The following SLC4A4 variants were observed in gnomAD, a reference collection of about 807,000 sequenced individuals.
SLC4A4 encodes the protein solute carrier family 4 member 4.
A neutral mutation model predicts 111.5 loss-of-function variants in SLC4A4; 27 were observed. That is an observed-to-expected ratio of 0.24 (90% CI 0.18 to 0.33). SLC4A4 has a LOEUF of 0.33. Among genes scored for constraint, SLC4A4 ranks in the 10% least tolerant of loss-of-function variants. The probability of loss-of-function intolerance (pLI) is 1.00; values close to 1 mark genes in which losing one functional copy is unlikely to be tolerated. For synonymous variants in SLC4A4, 443 were observed against 463.4 expected, an observed-to-expected ratio of 0.96 and a Z score of 0.57; for missense variants, 909 against 1,315.5, an observed-to-expected ratio of 0.69 and a Z score of 4.78.
Position 71,451,304 on chromosome 4 carries a change from A to G in SLC4A4, c.1322+3A>G. The G allele has an allele frequency of 1.3e-6, 2 of 1,577,472 alleles. No individual in the cohort carries two copies. Among genetic ancestry groups the G allele is most frequent in the Non-Finnish European group, 1.7e-6 (2 of 1,146,644 alleles). On this transcript the variant is annotated splice_donor_region_variant and intron_variant, in intron 11 of 25. Transcript: ENST00000264485. The stretch of plus-strand genomic sequence containing the variant: ...GAAGAATTGCAGCGAACTGGACGGT[A>G]ACTGACAGTTTCCTTTGCCATTCAT...
chr4:71,112,520 T>C (rs1743115702), intron 2 of SLC4A4, among the ~76,000 whole-genome samples: 1 of 152,126 alleles, frequency 6.6e-6, no homozygotes, highest in African/African-American at 2.4e-5. Context: ...GGAAACAAAA[T>C]AAACACAGAA....
chr4:71,252,336 G>T (rs1178584282), intron 2 of SLC4A4, among the ~76,000 whole-genome samples: 1 of 152,146 alleles, frequency 6.6e-6, no homozygotes, highest in Non-Finnish European at 1.5e-5. Flanking sequence ...CCAAAGCAAG[G>T]CTATCTTGCT....
chr4:71,122,745 C>T (rs1488514493), intron 2 of SLC4A4, among the ~76,000 whole-genome samples: 1 of 152,148 alleles, frequency 6.6e-6, no homozygotes, highest in Non-Finnish European at 1.5e-5. Context: ...TCTCCCAGAC[C>T]ATCCCCCCTC....
intron 14 of SLC4A4, among the ~76,000 whole-genome samples, chr4:71,484,006 A>G (rs1222059331): frequency 6.6e-6 from 1 of 151,608 alleles, no homozygotes; most frequent in African/African-American, 2.4e-5. Flanking sequence ...TCCTTAGCCC[A>G]CTTTTTAATA....
chr4:71,286,369 C>T (rs144642251), intron 3 of SLC4A4, among the ~76,000 whole-genome samples: 3 of 152,328 alleles, frequency 2.0e-5, no homozygotes, highest in African/African-American at 7.2e-5. Flanking sequence ...AGACCAAACG[C>T]TTAAAAGCAC....
intron 2 of SLC4A4, among the ~76,000 whole-genome samples, chr4:71,122,991 G>A (rs1315564595): frequency 6.6e-6 from 1 of 152,122 alleles, no homozygotes; most frequent in Non-Finnish European, 1.5e-5. Flanking sequence ...GAATATTAAT[G>A]CCTGTAAAAC....
intron 2 of SLC4A4, among the ~76,000 whole-genome samples, chr4:71,133,780 C>T (rs1015275899): frequency 6.6e-6 from 1 of 152,196 alleles, no homozygotes; most frequent in Non-Finnish European, 1.5e-5. Context: ...ATGGCTGTCG[C>T]TGCCCTGATA....
intron 2 of SLC4A4, among the ~76,000 whole-genome samples, chr4:71,109,142 T>C (rs891168706): frequency 2.6e-5 from 4 of 152,110 alleles, no homozygotes; most frequent in African/African-American, 4.8e-5. Flanking sequence ...GGGTTTGCTG[T>C]TTTTGTTTTT....
intron 24 of SLC4A4, among the ~76,000 whole-genome samples, chr4:71,564,969 A>G (rs190660203): frequency 5.4e-4 from 82 of 151,664 alleles, no homozygotes; most frequent in African/African-American, 2.0e-3. Flanking sequence ...TTGCCGTCAG[A>G]GCTGTCAAGC....
At chr4:71,199,477 G>T (rs1440887683) in intron 1 of SLC4A4, among the ~76,000 whole-genome samples, 2 of 152,044 alleles carry the variant, frequency 1.3e-5, no homozygotes, top group African/African-American at 4.8e-5. Flanking sequence ...TTTATTTTGG[G>T]TGAGTTTAAA....
Position 71,522,583 on chromosome 4 carries a change from C to G in SLC4A4, c.2167-9479C>G, listed in dbSNP as rs531749952. Among the ~76,000 whole-genome samples, 19 of 152,286 alleles carry G rather than the reference C, an allele frequency of 1.2e-4. No homozygotes were observed. The South Asian group carries it at 3.9e-3, about 32-fold the overall frequency. ...CATGAATTAGGCAAAATTATTGATA[C>G]TTTGATATAGTCACATTCAGTGTGG... On this transcript the variant is annotated intron_variant, in intron 16 of 25. Coordinates refer to ENST00000264485, the MANE Select transcript of SLC4A4 (RefSeq NM_001098484.3).
At chr4:71,288,346 A>G (rs1305993289) in intron 3 of SLC4A4, among the ~76,000 whole-genome samples, 1 of 152,112 alleles carries the variant, frequency 6.6e-6, no homozygotes, top group Admixed American at 6.6e-5. Context: ...GAGACAGTCT[A>G]TGCAGCACTT....
chr4:71,460,104 A>T (rs2149089885), intron 12 of SLC4A4, among the ~76,000 whole-genome samples: 1 of 151,948 alleles, frequency 6.6e-6, no homozygotes, highest in Middle Eastern at 3.4e-3. Flanking sequence ...TCTTAGGGTT[A>T]CCATATGTCT....
chr4:71,287,743 T>C (rs756760525), intron 3 of SLC4A4, among the ~76,000 whole-genome samples: 1 of 152,206 alleles, frequency 6.6e-6, no homozygotes, highest in Admixed American at 6.5e-5. Context: ...GTGGTTCTGG[T>C]TGTAGTCCAG....
intron 3 of SLC4A4, among the ~76,000 whole-genome samples, chr4:71,297,474 A>C (rs1237920642): frequency 1.3e-5 from 2 of 150,604 alleles, no homozygotes; most frequent in African/African-American, 4.9e-5. Flanking sequence ...TTATCCTTAC[A>C]TCTAGCTTTC....
intron 1 of SLC4A4, among the ~76,000 whole-genome samples, chr4:71,080,283 A>G (rs1560707831): frequency 1.3e-5 from 2 of 152,004 alleles, no homozygotes; most frequent in Non-Finnish European, 2.9e-5. Context: ...CCTCTCCTGG[A>G]GTCAGGGCTG....
chr4:71,511,085 A>G (rs957390557), intron 16 of SLC4A4, among the ~76,000 whole-genome samples: 2 of 152,182 alleles, frequency 1.3e-5, no homozygotes, highest in Non-Finnish European at 2.9e-5. Context: ...ACAAATTATT[A>G]TAGCAATTAT....
chr4:71,510,815 C>A (rs1333494686), intron 16 of SLC4A4, among the ~76,000 whole-genome samples: 1 of 151,650 alleles, frequency 6.6e-6, no homozygotes, highest in East Asian at 1.9e-4. Context: ...TGTTGTTTTC[C>A]TTTGTGATTA....
chr4:71,328,593 G>T (rs1265906409), intron 3 of SLC4A4, among the ~76,000 whole-genome samples: 4 of 151,960 alleles, frequency 2.6e-5, no homozygotes, highest in African/African-American at 9.7e-5. Context: ...ACCTTTTCAT[G>T]TACCTGTTTC....
Sources: allele counts gnomAD v4.1 joint callset (sites outside exome capture counted in the v4.1 genomes callset), GRCh38; gene constraint gnomAD v4.1.1; transcripts MANE v1.5; gene names NCBI Gene and HGNC (gene_info 2026-07-23, HGNC 2026-07-21).